LAMA5: variants seen among roughly 807,000 people sequenced by gnomAD.
LAMA5 encodes laminin subunit alpha-5.
In LAMA5, 260 loss-of-function variants were observed where a neutral mutation model predicts 433.4. The ratio of observed to expected loss-of-function variants is 0.60; its 90% CI spans 0.54 to 0.66. LAMA5 has a LOEUF of 0.66. LAMA5 is among the 30% of genes least tolerant of loss of function. LAMA5 has a pLI of 0.00. For missense variants in LAMA5, 5,378 were observed against 5,258.5 expected (o/e 1.02, Z -0.70); for synonymous variants, 2,620 against 2,226.6 (o/e 1.18, Z -4.97).
At chr20:62,320,178 C>T (rs34642860) in intron 50 of LAMA5, among the ~76,000 whole-genome samples, 41,690 of 151,394 alleles carry the variant, frequency 0.28, 5,777 homozygotes, top group Middle Eastern at 0.31. Flanking sequence ...ATTAGCTGGG[C>T]GTGGTGGCGT....
intron 70 of LAMA5, 52 bp from the exon 71 acceptor site, chr20:62,311,836 A>AC: frequency 1.1e-5 from 2 of 184,226 alleles, no homozygotes; most frequent in Non-Finnish European, 2.0e-5. Flanking sequence ...GCCCACCCCC[A>AC]CCTCAGAGGA....
chr20:62,316,562 G>A, intron 57 of LAMA5, 109 bp downstream of exon 57: 4 of 800,178 alleles, frequency 5.0e-6, no homozygotes, highest in Non-Finnish European at 7.6e-6. Context: ...CCCAAACCAT[G>A]CTGCGGTGAC....
rs574037338 is a variant in LAMA5, at chr20:62,310,752, G to C, written c.10359C>G (p.His3453Gln). The C allele has an allele frequency of 2.8e-4, 443 of 1,571,506 alleles. 1 individual carries two copies. The highest frequency in any genetic ancestry group is 6.8e-4 in the South Asian group (58 of 85,410). ...GGTGCTCTGCCCCCTGGTGCTGCCG[G>C]TGCGGCCCCTCCTGGCTCCAGGCCC... is the stretch of plus-strand genomic sequence containing the variant. ...GARAWSQEGP[H>Q]RQHQGAEHPQ... Residue 3453 changes from histidine to glutamine, a missense_variant, in exon 75 of 80, where the codon CAC (histidine) becomes CAG (glutamine). His to Gln is a conservative substitution (Grantham distance 24). Transcript: ENST00000252999.
Position 62,335,002 on chromosome 20 carries a change from C to G in LAMA5, c.2482+19G>C, listed in dbSNP as rs369570106. On this transcript the variant is annotated intron_variant, in intron 20 of 79. Transcript: ENST00000252999. ...GGGGAGGCAGGGCTGTGGTCTGGGA[C>G]GAGCGAGTGGGCACTCACTGCGGCA... The G allele has an allele frequency of 2.4e-5, 39 of 1,603,260 alleles. No individual in the cohort carries two copies. The highest frequency in any genetic ancestry group is 3.2e-5 in the Non-Finnish European group (38 of 1,171,402).
At position 62,310,757 on chromosome 20, in the gene LAMA5, G is replaced by A; in HGVS notation, c.10354C>T (p.Pro3452Ser). ...TCTGCCCCCTGGTGCTGCCGGTGCG[G>A]CCCCTCCTGGCTCCAGGCCCGGGCC... ...DGARAWSQEG[P>S]HRQHQGAEHP... The change falls in exon 75 of 80, where the codon CCG becomes TCG. Residue 3452 changes from proline (P) to serine (S), a missense_variant. By Grantham distance (74) the Pro-to-Ser change is moderately conservative. Transcript: ENST00000252999. The A allele has an allele frequency of 1.3e-6, 2 of 1,566,814 alleles. No homozygotes were observed. The highest frequency in any genetic ancestry group is 1.7e-6 in the Non-Finnish European group (2 of 1,158,264).
chr20:62,325,207 TAGGGTGACAGGAAGTGGAGGCAGCAAGGA>T, intron 41 of LAMA5, 80 bp downstream of exon 41: 1 of 685,558 alleles, frequency 1.5e-6, no homozygotes, highest in Non-Finnish European at 2.3e-6. Context: ...GAGAGGTGAG[TAGGGTGACAGGAAGTGGAGGCAGCAAGGA>T]AGGGAACACA....
At chr20:62,358,691 T>C (rs1985604217) in intron 2 of LAMA5, among the ~76,000 whole-genome samples, 1 of 152,148 alleles carries the variant, frequency 6.6e-6, no homozygotes, top group Admixed American at 6.5e-5. Context: ...GCAGACAGCA[T>C]GGCCAACCCC....
At chr20:62,357,606 T>C (rs1985437747) in intron 2 of LAMA5, among the ~76,000 whole-genome samples, 1 of 151,874 alleles carries the variant, frequency 6.6e-6, no homozygotes, top group Non-Finnish European at 1.5e-5. Flanking sequence ...CACAGACACC[T>C]CTCCCAGAGG....
chr20:62,354,276 C>A (rs1043300840), intron 2 of LAMA5, among the ~76,000 whole-genome samples: 2 of 151,978 alleles, frequency 1.3e-5, no homozygotes, highest in East Asian at 3.9e-4. Context: ...GCCCTTCTCT[C>A]CGCACAGGCC....
rs1386862626 is a variant in LAMA5, at chr20:62,338,404, G to A, written c.1619-35C>T. On this transcript the variant is annotated intron_variant, in intron 12 of 79. Coordinates refer to ENST00000252999, the MANE Select transcript of LAMA5 (RefSeq NM_005560.6). ...AGGGTGGCCCACATGCTTGGTCAGA[G>A]GCACCAGGCCTCAGGTGTCCACCTC... 5 of 1,607,212 alleles carry A rather than the reference G, an allele frequency of 3.1e-6. No homozygotes were observed. In the South Asian group the frequency reaches 4.4e-5, roughly 14 times the overall value.
rs202247135 is a variant in LAMA5, at chr20:62,314,955, G to A, written c.8048-8C>T. On this transcript the variant is annotated splice_polypyrimidine_tract_variant and splice_region_variant and intron_variant, in intron 59 of 79. Transcript: ENST00000252999. ...TCTTCTCCAGGGTGGACACTGCAGAGAGGGAGACCTGAGACCTTTGCCCCC... is the reference window on the plus strand; with the variant it reads ...TCTTCTCCAGGGTGGACACTGCAGAAAGGGAGACCTGAGACCTTTGCCCCC... 6.3e-7 allele frequency: 1 copy of A among 1,592,004 alleles called. No homozygotes were observed. The highest frequency in any genetic ancestry group is 8.5e-7 in the Non-Finnish European group (1 of 1,173,022).
Position 62,320,933 on chromosome 20 carries a change from G to A in LAMA5, c.6497-43C>T, listed in dbSNP as rs773967571. 10 of 1,574,866 alleles carry A rather than the reference G, an allele frequency of 6.3e-6. No individual in the cohort carries two copies. The East Asian group carries it at 6.8e-5, about 11-fold the overall frequency. On this transcript the variant is annotated intron_variant, in intron 48 of 79. Transcript: ENST00000252999. ...TCACAGGTCAGTGTCATTGGGTCAGGCCAGGGGAGAATGATCAGCTGGGGC... is the reference window on the plus strand; with the variant it reads ...TCACAGGTCAGTGTCATTGGGTCAGACCAGGGGAGAATGATCAGCTGGGGC...
chr20:62,366,388 A>T (rs1387648102), intron 1 of LAMA5, among the ~76,000 whole-genome samples: 1 of 152,136 alleles, frequency 6.6e-6, no homozygotes, highest in Non-Finnish European at 1.5e-5. Flanking sequence ...CTGGGCAGAG[A>T]TGCTGCCCCT....
rs1481893006 is a variant in LAMA5, at chr20:62,333,112, A to AGTGGCGGGT, written c.3251_3259dup (p.His1084_Pro1086dup). 13 of 1,465,912 alleles carry AGTGGCGGGT rather than the reference A, an allele frequency of 8.9e-6. No individual in the cohort carries two copies. The highest frequency in any genetic ancestry group is 2.7e-5 in the Admixed American group (1 of 36,830). 90.8% of individuals were successfully genotyped at this position (1,465,912 alleles called of 1,614,324 possible). On this transcript the variant is annotated inframe_insertion, in exon 26 of 80. Coordinates refer to ENST00000252999, the MANE Select transcript of LAMA5 (RefSeq NM_005560.6). ...CACATCACTGCCCGTGCAGGTGATC[A>AGTGGCGGGT]GTGGCGGGTGCGACGGGCTGAGCTG...
rs1986231618 is a variant in LAMA5 at position 62,311,200 on chromosome 20, G to A, written c.10050C>T (p.His3350=). The change falls in exon 73 of 80, where the codon CAC becomes CAT. Residue 3350 remains histidine (H), a synonymous_variant. Transcript: ENST00000252999. ...GGGCCAGGATGCCCACAAACTCCAG[G>A]TGACTGGACAGGGAACCCCCAAACT... The part of the protein sequence containing the change: ...SYQFGGSLSS[H]LEFVGILARH... 2 of 1,609,214 alleles carry A rather than the reference G, an allele frequency of 1.2e-6. No individual in the cohort carries two copies. Among genetic ancestry groups the A allele is most frequent in the Non-Finnish European group, 1.7e-6 (2 of 1,178,400 alleles).
chr20:62,333,050 C>G, intron 26 of LAMA5, 40 bp downstream of exon 26: 1 of 1,450,458 alleles, frequency 6.9e-7, no homozygotes, highest in Non-Finnish European at 9.1e-7. Flanking sequence ...GGCCAAGGTC[C>G]TGCAACACCC....
intron 28 of LAMA5, among the ~76,000 whole-genome samples, chr20:62,331,499 T>C (rs1980452596): frequency 6.6e-6 from 1 of 151,932 alleles, no homozygotes; most frequent in East Asian, 1.9e-4. Context: ...GCTCCTCCCA[T>C]AGCCCTCTTC....
At chr20:62,321,895 T>C in intron 48 of LAMA5, 124 bp downstream of exon 48, 2 of 955,778 alleles carry the variant, frequency 2.1e-6, no homozygotes, top group Non-Finnish European at 3.3e-6. Context: ...CATGGGTCTC[T>C]CGGGAAATGG....
chr20:62,354,790 G>T (rs1041275376), intron 2 of LAMA5, among the ~76,000 whole-genome samples: 5 of 152,150 alleles, frequency 3.3e-5, no homozygotes, highest in Admixed American at 2.6e-4. Flanking sequence ...AAGGAGGGAA[G>T]TTGTCTCCAG....
Sources: gnomAD v4.1 joint callset for allele counts (sites outside exome capture counted in the v4.1 genomes callset) on GRCh38, gnomAD v4.1.1 for gene constraint, MANE v1.5 for transcripts, NCBI Gene and HGNC (gene_info 2026-07-23, HGNC 2026-07-21) for gene names.